RPS2: variants seen among roughly 807,000 people sequenced by gnomAD.
The protein encoded by RPS2 is ribosomal protein S2.
RPS2 carries 8 observed loss-of-function variants against 25.3 expected under a neutral mutation model. The ratio of observed to expected loss-of-function variants is 0.32; its 90% CI spans 0.19 to 0.57. The LOEUF is 0.57. Among genes scored for constraint, RPS2 ranks in the 20% least tolerant of loss-of-function variants. The pLI is 0.90. For missense variants in RPS2, 229 were observed against 408.1 expected (o/e 0.56, Z 3.78); for synonymous variants, 181 against 161.3 (o/e 1.12, Z -0.92).
At position 1,962,156 on chromosome 16, in the gene RPS2, T is replaced by C; in HGVS notation, c.824A>G (p.Lys275Arg). The C allele has an allele frequency of 6.3e-7, 1 of 1,595,622 alleles. No individual in the cohort carries two copies. Among genetic ancestry groups the C allele is most frequent in the Non-Finnish European group, 8.5e-7 (1 of 1,177,104 alleles). Residue 275 changes from lysine to arginine, a missense_variant, in exon 7 of 7, where the codon AAG becomes AGG. This residue lies in a region of RPS2 where 32 missense variants were observed against 29.4 expected (regional missense o/e 1.09). Coordinates refer to ENST00000343262, the MANE Select transcript of RPS2 (RefSeq NM_002952.4). ...CTGCACGGAGACTCTGGTGTGGGTC[T>C]TGACGAGGTGGTCAGTGAACTCCTG... is the stretch of plus-strand genomic sequence containing the variant. ...PYQEFTDHLV[K>R]THTRVSVQRT...
intron 1 of RPS2, 73 bp downstream of exon 1, chr16:1,964,734 C>T (rs961475896): frequency 1.6e-6 from 1 of 628,888 alleles, no homozygotes; most frequent in Non-Finnish European, 2.6e-6. Flanking sequence ...ACTCGGGAGC[C>T]TAGACCCGAC....
intron 3 of RPS2, chr16:1,963,953 C>A (rs1458574582): frequency 4.9e-6 from 2 of 408,300 alleles, no homozygotes; most frequent in Admixed American, 7.2e-5. Context: ...CTAACCCTTA[C>A]AGTGTCCTCC....
intron 6 of RPS2, 104 bp from the exon 7 acceptor site, chr16:1,962,374 G>C: frequency 7.3e-7 from 1 of 1,364,924 alleles, no homozygotes; most frequent in Non-Finnish European, 1.0e-6. Context: ...ATTCTGGGCG[G>C]GTCTGTCGTG....
At chr16:1,962,364 A>G (rs575298846) in intron 6 of RPS2, 94 bp from the exon 7 acceptor site, 2 of 1,391,140 alleles carry the variant, frequency 1.4e-6, no homozygotes, top group Admixed American at 1.7e-5. Flanking sequence ...CAGAGAGGCC[A>G]TTCTGGGCGG....
chr16:1,962,284 G>A lies in RPS2; in HGVS notation c.710-14C>T, dbSNP rs759772914. On this transcript the variant is annotated splice_polypyrimidine_tract_variant and intron_variant, in intron 6 of 6. Coordinates refer to ENST00000343262, the MANE Select transcript of RPS2 (RefSeq NM_002952.4). The stretch of plus-strand genomic sequence containing the variant: ...AGGTGGCCTTGGCTGCAAAACAAAA[G>A]AACCCCAGGAGGGTCAGTGGTGTGC... 9.9e-6 allele frequency: 16 copies of A among 1,611,862 alleles called. No homozygotes were observed. Among genetic ancestry groups the A allele is most frequent in the Non-Finnish European group, 1.4e-5 (16 of 1,178,330 alleles).
Position 1,962,832 on chromosome 16 carries a change from G to A in RPS2, c.453C>T (p.Ile151=), listed in dbSNP as rs1385229835. The change falls in exon 5 of 7, where the codon ATC becomes ATT. Residue 151 remains isoleucine, a synonymous_variant. Coordinates refer to ENST00000343262, the MANE Select transcript of RPS2 (RefSeq NM_002952.4). ...GCTTGGCCAGGATGATGGCCCCACGGATGGCGGTGGCCACCTCCTTGGAGC... is the reference window on the plus strand; with the variant it reads ...GCTTGGCCAGGATGATGGCCCCACGAATGGCGGTGGCCACCTCCTTGGAGC... The part of the protein sequence containing the change: ...VKCSKEVATA[I]RGAIILAKLS... 3 of 1,607,348 alleles carry A rather than the reference G, an allele frequency of 1.9e-6. No individual in the cohort carries two copies. Among genetic ancestry groups the A allele is most frequent in the African/African-American group, 1.3e-5 (1 of 75,042 alleles).
intron 3 of RPS2, chr16:1,963,584 C>T (rs577500234): frequency 1.4e-5 from 5 of 354,926 alleles, no homozygotes; most frequent in Non-Finnish European, 2.2e-5. Context: ...CCAGCCTAGG[C>T]GATAGGGCGA....
intron 3 of RPS2, 86 bp downstream of exon 3, chr16:1,964,190 A>G (rs76179456): frequency 0.029 from 28,524 of 990,378 alleles, 586 homozygotes; most frequent in African/African-American, 0.081. Flanking sequence ...CTTTAATGCG[A>G]GTCAATGGCA....
At chr16:1,964,215 A>G in intron 3 of RPS2, 61 bp downstream of exon 3, 9 of 1,276,620 alleles carry the variant, frequency 7.0e-6, no homozygotes, top group Non-Finnish European at 2.3e-6. Flanking sequence ...CTAATCCTCC[A>G]ACCCCAGCCC....
In RPS2 at chr16:1,962,492, C is replaced by T. The variant is rs763617284; in HGVS notation, c.709+5G>A. On this transcript the variant is annotated splice_donor_5th_base_variant and intron_variant, in intron 6 of 6. Coordinates refer to ENST00000343262, the MANE Select transcript of RPS2 (RefSeq NM_002952.4). Reference sequence around the variant, plus strand: ...ATGGCTATGCCCCATGTGTGGACCACCTACCGAAGTTGCCCAGGGTGGCAG... The same window carrying T: ...ATGGCTATGCCCCATGTGTGGACCATCTACCGAAGTTGCCCAGGGTGGCAG... The T allele has an allele frequency of 6.2e-7, 1 of 1,612,504 alleles. No individual in the cohort carries two copies. Among genetic ancestry groups the T allele is most frequent in the East Asian group, 2.2e-5 (1 of 44,882 alleles).
At chr16:1,964,651 A>T in intron 1 of RPS2, 23 bp from the exon 2 acceptor site, 1 of 1,273,298 alleles carries the variant, frequency 7.9e-7, no homozygotes, top group Non-Finnish European at 1.1e-6. Flanking sequence ...ACAAGAAGGA[A>T]CTAGTCAGTG....
At chr16:1,963,611 A>C (rs374137765) in intron 3 of RPS2, 3,573 of 335,668 alleles carry the variant, frequency 0.011, 51 homozygotes, top group African/African-American at 0.022. Context: ...GTAACCGCCC[A>C]CCCCGCCCAA....
Position 1,964,519 on chromosome 16 carries a change from C to G in RPS2, c.107G>C (p.Arg36Pro). The change falls in exon 2 of 7, where the codon CGG (arginine) becomes CCG (proline). Residue 36 changes from arginine to proline, a missense_variant. This residue lies in a region of RPS2 where 70 missense variants were observed against 119.0 expected (regional missense o/e 0.59). Coordinates refer to ENST00000343262, the MANE Select transcript of RPS2 (RefSeq NM_002952.4). Reference sequence around the variant, plus strand: ...CCGGCCCCGTCCACGGCCGCGACCCCGGCCCCGGATGCCACTGCCGAAACC... The same window carrying G: ...CCGGCCCCGTCCACGGCCGCGACCCGGGCCCCGGATGCCACTGCCGAAACC... ...RGGFGSGIRG[R>P]GRGRGRGRGR... is the part of the protein sequence containing the mutation. 1 of 1,596,230 alleles carries G rather than the reference C, an allele frequency of 6.3e-7. No individual in the cohort carries two copies. Among genetic ancestry groups the G allele is most frequent in the Non-Finnish European group, 8.5e-7 (1 of 1,171,882 alleles).
In RPS2 at chr16:1,963,236, G is replaced by A. The variant is rs756332585; in HGVS notation, c.288C>T (p.Phe96=). ...CATCCTTGAGAGAGGCCCCCAGGAA[G>A]AAATCAATGATCTCTGATTCCTGAA... ...LPIKESEIID[F]FLGASLKDEV... is the part of the protein sequence containing the mutation. Residue 96 remains phenylalanine, a synonymous_variant, in exon 4 of 7, where the codon TTC becomes TTT. Transcript: ENST00000343262. 13 of 1,535,350 alleles carry A rather than the reference G, an allele frequency of 8.5e-6. No homozygotes were observed. The highest frequency in any genetic ancestry group is 1.9e-4 in the Middle Eastern group (1 of 5,210).
Position 1,962,546 on chromosome 16 carries a change from A to G in RPS2, c.660T>C (p.Asp220=), listed in dbSNP as rs145914766. 22 of 1,611,712 alleles carry G rather than the reference A, an allele frequency of 1.4e-5. No individual in the cohort carries two copies. The African/African-American group carries it at 2.9e-4, about 22-fold the overall frequency. ...AGCCCCGGGCTGAGGTGTAGCAGTC[A>G]TCGATACCAGCCATCATGAGCAGCT... ...PKKLLMMAGI[D]DCYTSARGCT... Residue 220 remains aspartate, a synonymous_variant, in exon 6 of 7, where the codon GAT becomes GAC. Transcript: ENST00000343262.
At chr16:1,962,682 G>A (rs371551953) in intron 5 of RPS2, 26 bp from the exon 6 acceptor site, 26 of 1,584,306 alleles carry the variant, frequency 1.6e-5, no homozygotes, top group South Asian at 3.4e-5. Flanking sequence ...GTCAGGAGAC[G>A]GGGGCCCGAG....
intron 3 of RPS2, 176 bp downstream of exon 3, chr16:1,964,100 A>T: frequency 1.7e-6 from 1 of 602,916 alleles, no homozygotes. Context: ...TCGCTCAGGT[A>T]TCCATCCAAC....
At position 1,964,686 on chromosome 16, in the gene RPS2, C is replaced by A. The variant is rs1042557595; in HGVS notation, c.-3-58G>T. Reference sequence around the variant, plus strand: ...GTGGCCTACGCATCTGGCAGCCCCCCGCGAGACCCAGACAAGGGCTCCCGC... The same window carrying A: ...GTGGCCTACGCATCTGGCAGCCCCCAGCGAGACCCAGACAAGGGCTCCCGC... On this transcript the variant is annotated intron_variant, in intron 1 of 6. Transcript: ENST00000343262. 6.2e-6 allele frequency: 6 copies of A among 963,020 alleles called. No individual in the cohort carries two copies. In the African/African-American group the frequency reaches 8.6e-5, roughly 14 times the overall value. 59.7% of individuals were successfully genotyped at this position (963,020 alleles called of 1,614,324 possible).
At position 1,962,881 on chromosome 16, in the gene RPS2, C is replaced by G. The variant is rs767849793; in HGVS notation, c.404G>C (p.Gly135Ala). The change falls in exon 5 of 7, where the codon GGC (glycine) becomes GCC (alanine). Residue 135 changes from glycine (G) to alanine (A), a missense_variant. This residue lies in a region of RPS2 where 15 missense variants were observed against 18.4 expected (regional missense o/e 0.81). Coordinates refer to ENST00000343262, the MANE Select transcript of RPS2 (RefSeq NM_002952.4). ...KAFVAIGDYN[G>A]HVGLGVKCSK... ...GCACTTAACACCCAGACCGACGTGGCCATTGTAGTCCCCGATAGCAACAAA... is the reference window on the plus strand; with the variant it reads ...GCACTTAACACCCAGACCGACGTGGGCATTGTAGTCCCCGATAGCAACAAA... 6.2e-7 allele frequency: 1 copy of G among 1,601,976 alleles called. No individual in the cohort carries two copies. Among genetic ancestry groups the G allele is most frequent in the Non-Finnish European group, 8.5e-7 (1 of 1,179,578 alleles).
Sources: allele counts gnomAD v4.1 joint callset, GRCh38; gene constraint gnomAD v4.1.1; regional missense constraint gnomAD v4.1.1; transcripts MANE v1.5; gene names NCBI Gene and HGNC (gene_info 2026-07-23, HGNC 2026-07-21).